The following ANKFN1 variants were observed in gnomAD, a reference collection of about 807,000 sequenced individuals.
ANKFN1 encodes ankyrin repeat and fibronectin type-III domain-containing protein 1.
In ANKFN1, 74 loss-of-function variants were observed where a neutral mutation model predicts 108.7. The observed-to-expected ratio is 0.68, with a 90% confidence interval of 0.56 to 0.83. The LOEUF (loss-of-function observed/expected upper bound fraction) is 0.83. ANKFN1 is among the 40% of genes least tolerant of loss of function. The pLI is 0.00. For synonymous variants in ANKFN1, 547 were observed against 516.2 expected (o/e 1.06, Z -0.81); for missense variants, 1,505 against 1,382.3 (o/e 1.09, Z -1.41).
At chr17:56,179,743 A>G (rs866493396) in intron 1 of ANKFN1, among the ~76,000 whole-genome samples, 15 of 152,200 alleles carry the variant, frequency 9.9e-5, no homozygotes, top group African/African-American at 2.9e-4. Flanking sequence ...GTCTACCTAC[A>G]TAGGAGTTCT....
chr17:56,161,684 A>G (rs1329992598), intron 1 of ANKFN1, among the ~76,000 whole-genome samples: 2 of 152,212 alleles, frequency 1.3e-5, no homozygotes, highest in Non-Finnish European at 2.9e-5. Flanking sequence ...ATTATTGCAT[A>G]AACCCTATAG....
chr17:56,402,630 A>G (rs2047796215), intron 8 of ANKFN1, among the ~76,000 whole-genome samples: 2 of 151,876 alleles, frequency 1.3e-5, no homozygotes, highest in Non-Finnish European at 1.5e-5. Flanking sequence ...TTATTTTTTC[A>G]AAGAACCAGC....
intron 4 of ANKFN1, among the ~76,000 whole-genome samples, chr17:56,111,668 A>G (rs1598099437): frequency 6.6e-6 from 1 of 152,324 alleles, no homozygotes; most frequent in East Asian, 1.9e-4. Flanking sequence ...TAAATTTGTT[A>G]AATTACCTGT....
At chr17:56,169,530 A>C (rs1296965671) in intron 1 of ANKFN1, among the ~76,000 whole-genome samples, 2 of 152,170 alleles carry the variant, frequency 1.3e-5, no homozygotes, top group African/African-American at 4.8e-5. Flanking sequence ...TCAGCCTCCC[A>C]AAATGCTGGA....
chr17:56,439,603 G>T (rs751721684), intron 8 of ANKFN1, among the ~76,000 whole-genome samples: 17 of 151,968 alleles, frequency 1.1e-4, no homozygotes, highest in Admixed American at 2.0e-4. Flanking sequence ...CAATGAAAAG[G>T]CTTGGAAGAA....
chr17:56,280,925 A>C (rs1567882489), intron 3 of ANKFN1, among the ~76,000 whole-genome samples: 1 of 152,128 alleles, frequency 6.6e-6, no homozygotes, highest in South Asian at 2.1e-4. Context: ...CTGTTTTCAT[A>C]ATAGTGAATA....
At chr17:56,419,000 A>C (rs1307776061) in intron 8 of ANKFN1, among the ~76,000 whole-genome samples, 1 of 152,196 alleles carries the variant, frequency 6.6e-6, no homozygotes, top group East Asian at 1.9e-4. Context: ...TAACATGCTG[A>C]GAACTCTTAG....
intron 4 of ANKFN1, among the ~76,000 whole-genome samples, chr17:56,343,476 A>G (rs1454750741): frequency 6.6e-6 from 1 of 151,552 alleles, no homozygotes; most frequent in African/African-American, 2.4e-5. Context: ...CTTTTTGAGG[A>G]TCCTTGTAAT....
At chr17:56,497,251 C>T (rs1431430089) in intron 19 of ANKFN1, among the ~76,000 whole-genome samples, 1 of 152,122 alleles carries the variant, frequency 6.6e-6, no homozygotes, top group Non-Finnish European at 1.5e-5. Flanking sequence ...TAGATTTCTC[C>T]CTTCAAAATG....
At chr17:56,270,760 T>A (rs1219993320) in intron 3 of ANKFN1, among the ~76,000 whole-genome samples, 2 of 152,206 alleles carry the variant, frequency 1.3e-5, no homozygotes, top group African/African-American at 2.4e-5. Context: ...AACTTGAACA[T>A]GTCCAGCTCA....
chr17:56,141,957 G>T (rs1254986579), intron 4 of ANKFN1, among the ~76,000 whole-genome samples: 1 of 130,734 alleles, frequency 7.6e-6, no homozygotes, highest in Non-Finnish European at 1.6e-5. Flanking sequence ...TTGAGATGGA[G>T]TCTGGCTCTG....
intron 4 of ANKFN1, among the ~76,000 whole-genome samples, chr17:56,061,230 T>C (rs1202746930): frequency 1.3e-5 from 2 of 151,628 alleles, no homozygotes; most frequent in Non-Finnish European, 2.9e-5. Context: ...TAGAGGTATG[T>C]ATAGCATTCT....
Position 56,440,525 on chromosome 17 carries a change from C to A in ANKFN1, c.1008+101C>A, listed in dbSNP as rs1476151660. On this transcript the variant is annotated intron_variant, in intron 9 of 20. Transcript: ENST00000682825. ...CTGAAAGCAACAGCCAACGCCCAGT[C>A]CTCTGGCAACAACTGCCACTCATTA... is the stretch of plus-strand genomic sequence containing the variant. 4.7e-5 allele frequency: 40 copies of A among 852,540 alleles called. No individual in the cohort carries two copies. The East Asian group carries it at 1.0e-3, about 22-fold the overall frequency. The allele number at this position is 852,540 out of a possible 1,614,324, so 52.8% of individuals were successfully genotyped here.
chr17:56,260,989 A>G (rs1194277884), intron 3 of ANKFN1, among the ~76,000 whole-genome samples: 3 of 152,216 alleles, frequency 2.0e-5, no homozygotes, highest in African/African-American at 7.2e-5. Flanking sequence ...TAAACATACA[A>G]GGTAATTGAA....
chr17:56,353,939 A>G lies in ANKFN1; in HGVS notation c.494A>G (p.Asn165Ser). ...TACACACCAGAAGAACTTGACCTCA[A>G]CACACCTAACAGCGAGGGCTTGACA... ...YQYTPEELDL[N>S]TPNSEGLTPL... The change falls in exon 6 of 21, where the codon AAC (asparagine) becomes AGC (serine). Residue 165 changes from asparagine to serine, a missense_variant. Transcript: ENST00000682825. 6.2e-7 allele frequency: 1 copy of G among 1,614,002 alleles called. No individual in the cohort carries two copies. The highest frequency in any genetic ancestry group is 1.7e-4 in the Middle Eastern group (1 of 6,060).
At chr17:56,087,634 C>T (rs9901411) in intron 4 of ANKFN1, among the ~76,000 whole-genome samples, 7,094 of 151,368 alleles carry the variant, frequency 0.047, 729 homozygotes, top group African/African-American at 0.16. Context: ...TTGGAACACC[C>T]CTCCCAGTCC....
At chr17:56,392,728 C>G (rs796294458) in intron 8 of ANKFN1, among the ~76,000 whole-genome samples, 1 of 152,178 alleles carries the variant, frequency 6.6e-6, no homozygotes, top group South Asian at 2.1e-4. Context: ...GGCCAATAAG[C>G]AGGCTCAGGG....
chr17:56,228,522 T>C (rs1916459595), intron 3 of ANKFN1: 1 of 152,070 alleles, frequency 6.6e-6, no homozygotes. Context: ...CCAAAGAAAA[T>C]TTTAGCAGAT....
intron 8 of ANKFN1, among the ~76,000 whole-genome samples, chr17:56,417,604 A>G (rs2048280939): frequency 6.6e-6 from 1 of 152,168 alleles, no homozygotes; most frequent in African/African-American, 2.4e-5. Context: ...TAGTGCATGA[A>G]TGTATCTGCC....
Sources: gnomAD v4.1 joint callset for allele counts (sites outside exome capture counted in the v4.1 genomes callset) on GRCh38, gnomAD v4.1.1 for gene constraint, MANE v1.5 for transcripts, NCBI Gene and HGNC (gene_info 2026-07-23, HGNC 2026-07-21) for gene names.